The following MIPEP variants were observed in gnomAD, a reference collection of about 807,000 sequenced individuals.
MIPEP encodes the protein mitochondrial intermediate peptidase.
A neutral mutation model predicts 90.3 loss-of-function variants in MIPEP; 79 were observed. That is an observed-to-expected ratio of 0.87 (90% confidence interval 0.73 to 1.05). The LOEUF (loss-of-function observed/expected upper bound fraction) is 1.05. MIPEP is among the 50% of genes least tolerant of loss of function. The pLI, the probability that MIPEP is intolerant of heterozygous loss-of-function variation, is 0.00. For synonymous variants in MIPEP, 334 were observed against 315.8 expected (o/e 1.06, Z -0.61); for missense variants, 940 against 905.6 (o/e 1.04, Z -0.49).
intron 7 of MIPEP, among the ~76,000 whole-genome samples, chr13:23,866,595 C>T (rs1593199927): frequency 1.3e-5 from 2 of 152,194 alleles, no homozygotes; most frequent in Non-Finnish European, 2.9e-5. Flanking sequence ...CAGGACCACA[C>T]CCTGTAATCA....
intron 14 of MIPEP, among the ~76,000 whole-genome samples, chr13:23,817,560 C>A (rs1400252389): frequency 6.6e-6 from 1 of 152,110 alleles, no homozygotes; most frequent in East Asian, 1.9e-4. Context: ...CCTTACTGTT[C>A]TTTAATAACT....
chr13:23,738,043 A>C (rs1338556458), intron 18 of MIPEP, among the ~76,000 whole-genome samples: 1 of 152,226 alleles, frequency 6.6e-6, no homozygotes. Context: ...TCAAAGAATG[A>C]ATGAATGAAG....
intron 1 of MIPEP, chr13:23,888,803 C>A: frequency 9.7e-7 from 1 of 1,029,312 alleles, no homozygotes; most frequent in African/African-American, 1.7e-5. Context: ...AGCAGGGGTG[C>A]GCCTGAGTGT....
chr13:23,867,274 G>A (rs1870584121), intron 7 of MIPEP, among the ~76,000 whole-genome samples: 1 of 152,098 alleles, frequency 6.6e-6, no homozygotes, highest in African/African-American at 2.4e-5. Context: ...CAGCCACTCT[G>A]CCCTCCTCAA....
intron 16 of MIPEP, among the ~76,000 whole-genome samples, chr13:23,794,269 G>C (rs1372765600): frequency 6.6e-6 from 1 of 152,120 alleles, no homozygotes; most frequent in Non-Finnish European, 1.5e-5. Context: ...GAGGAGGAGG[G>C]AGACTGTATT....
rs562230941 is a variant in MIPEP at position 23,830,202 on chromosome 13, G to T, written c.1653+6038C>A. On this transcript the variant is annotated intron_variant, in intron 14 of 18. Coordinates refer to ENST00000382172, the MANE Select transcript of MIPEP (RefSeq NM_005932.4). ...GCTCCACGTGTGCTCCATGACAGGA[G>T]AATGAGTAAATAAATGATGGAATAT... 3.3e-5 allele frequency among the ~76,000 whole-genome samples: 5 copies of T among 152,238 alleles called. No individual in the cohort carries two copies. In the South Asian group the frequency reaches 6.2e-4, roughly 19 times the overall value.
At chr13:23,748,605 A>G (rs1390965281) in intron 18 of MIPEP, among the ~76,000 whole-genome samples, 1 of 152,244 alleles carries the variant, frequency 6.6e-6, no homozygotes, top group Non-Finnish European at 1.5e-5. Context: ...TTTACTTGGC[A>G]TGCTAGTAGT....
intron 10 of MIPEP, among the ~76,000 whole-genome samples, chr13:23,853,161 T>A (rs1869881671): frequency 6.6e-6 from 1 of 152,136 alleles, no homozygotes; most frequent in Non-Finnish European, 1.5e-5. Context: ...AAGAACCATA[T>A]CTTTCTATAA....
intron 8 of MIPEP, 93 bp from the exon 9 acceptor site, chr13:23,862,455 A>G (rs1001564692): frequency 2.4e-5 from 17 of 706,976 alleles, no homozygotes; most frequent in South Asian, 1.2e-4. Flanking sequence ...TCCAATATTC[A>G]TAAGATTAGA....
intron 17 of MIPEP, among the ~76,000 whole-genome samples, chr13:23,758,290 T>A (rs1952507240): frequency 6.6e-6 from 1 of 152,186 alleles, no homozygotes; most frequent in African/African-American, 2.4e-5. Flanking sequence ...CCTGGCTTTC[T>A]GATGTAGGCT....
intron 18 of MIPEP, among the ~76,000 whole-genome samples, chr13:23,739,989 C>G (rs1952308220): frequency 6.6e-6 from 1 of 152,130 alleles, no homozygotes; most frequent in Admixed American, 6.5e-5. Flanking sequence ...TTTTTTCCAC[C>G]TAGCATCCAT....
At chr13:23,797,583 C>G (rs1451799623) in intron 16 of MIPEP, among the ~76,000 whole-genome samples, 10 of 152,194 alleles carry the variant, frequency 6.6e-5, no homozygotes, top group Admixed American at 4.6e-4. Flanking sequence ...CTGCCGTGAA[C>G]CTCTAAAGCA....
At chr13:23,828,136 C>T (rs1405990377) in intron 14 of MIPEP, among the ~76,000 whole-genome samples, 2 of 152,124 alleles carry the variant, frequency 1.3e-5, no homozygotes, top group Admixed American at 6.6e-5. Context: ...AAATGCAATA[C>T]CCATTAATGA....
intron 16 of MIPEP, among the ~76,000 whole-genome samples, chr13:23,798,470 C>A (rs1177326836): frequency 6.6e-6 from 1 of 152,138 alleles, no homozygotes; most frequent in Non-Finnish European, 1.5e-5. Flanking sequence ...AAGTCTGCAG[C>A]ACACACCTAC....
At chr13:23,880,752 T>A (rs940976296) in intron 3 of MIPEP, among the ~76,000 whole-genome samples, 8 of 152,204 alleles carry the variant, frequency 5.3e-5, no homozygotes, top group Non-Finnish European at 1.0e-4. Flanking sequence ...TCACACACGA[T>A]TGTGCCAAAG....
At chr13:23,746,015 CTTT>C (rs34752143) in intron 18 of MIPEP, among the ~76,000 whole-genome samples, 2 of 135,022 alleles carry the variant, frequency 1.5e-5, no homozygotes, top group Admixed American at 7.4e-5. Flanking sequence ...ACTCAGCACA[CTTT>C]TTTTTTTTTT....
chr13:23,811,882 T>C (rs1953175064), intron 14 of MIPEP, among the ~76,000 whole-genome samples: 1 of 152,002 alleles, frequency 6.6e-6, no homozygotes, highest in South Asian at 2.1e-4. Flanking sequence ...AACTCTAGCC[T>C]CCAAGTTCTC....
chr13:23,880,958 GCTCT>G (rs1318412091), intron 3 of MIPEP, among the ~76,000 whole-genome samples: 2 of 152,200 alleles, frequency 1.3e-5, no homozygotes, highest in African/African-American at 4.8e-5. Flanking sequence ...GCTCTCCCTA[GCTCT>G]ATACACTGCC....
intron 18 of MIPEP, among the ~76,000 whole-genome samples, chr13:23,749,253 A>C (rs925020204): frequency 6.6e-6 from 1 of 152,228 alleles, no homozygotes; most frequent in African/African-American, 2.4e-5. Context: ...GCTGACAGAC[A>C]GGACTTATTG....
Sources: gnomAD v4.1 joint callset for allele counts (sites outside exome capture counted in the v4.1 genomes callset) on GRCh38, gnomAD v4.1.1 for gene constraint, MANE v1.5 for transcripts, NCBI Gene and HGNC (gene_info 2026-07-23, HGNC 2026-07-21) for gene names.